The following TMEM59 variants were observed in gnomAD, a reference collection of about 807,000 sequenced individuals.
The protein encoded by TMEM59 is transmembrane protein 59, also known as dendritic cell factor 1.
A neutral mutation model predicts 42.2 loss-of-function variants in TMEM59; 44 were observed. The ratio of observed to expected loss-of-function variants is 1.04; its 90% CI spans 0.82 to 1.34. TMEM59 has a LOEUF of 1.34. TMEM59 is among the 40% of genes most tolerant of loss of function. TMEM59 has a pLI of 0.00. For synonymous variants in TMEM59, 148 were observed against 145.8 expected (o/e 1.02, Z -0.11); for missense variants, 359 against 382.8 (o/e 0.94, Z 0.52).
At chr1:54,045,613 A>G in intron 3 of TMEM59, 79 bp downstream of exon 3, 1 of 1,341,642 alleles carries the variant, frequency 7.5e-7, no homozygotes, top group Non-Finnish European at 1.1e-6. Flanking sequence ...AATAGGATCA[A>G]GTGGGTGATA....
Position 54,053,087 on chromosome 1 carries a change from C to T in TMEM59, c.102G>A (p.Ser34=), listed in dbSNP as rs763326633. Residue 34 remains serine (S), a synonymous_variant, in exon 1 of 8, where the codon TCG becomes TCA. Transcript: ENST00000234831. Reference sequence around the variant, plus strand: ...CCAAGACCGAGTCAAATGCTTCAGCCGAAGCGGTCCCCGAACCTCCGGCCA... The same window carrying T: ...CCAAGACCGAGTCAAATGCTTCAGCTGAAGCGGTCCCCGAACCTCCGGCCA... ...MALAGGSGTA[S]AEAFDSVLGD... is the part of the protein sequence containing the mutation. The T allele has an allele frequency of 1.1e-5, 18 of 1,614,146 alleles. No individual in the cohort carries two copies. In the African/African-American group the frequency reaches 2.3e-4, roughly 20 times the overall value.
chr1:54,040,873 A>C, intron 5 of TMEM59, 36 bp from the exon 6 acceptor site: 1 of 1,549,148 alleles, frequency 6.5e-7, no homozygotes, highest in Non-Finnish European at 8.9e-7. Flanking sequence ...ATTATATCCT[A>C]TATTCCAAAA....
In TMEM59 at chr1:54,032,141, G is replaced by T; in HGVS notation, c.*9C>A. On this transcript the variant is annotated 3_prime_UTR_variant, in exon 8 of 8. Transcript: ENST00000234831. ...TGTCTATTACACTTGTCTTTTAAAA[G>T]AAAAATGCTTAAATTTCAGAATGAG... 1 of 1,603,542 alleles carries T rather than the reference G, an allele frequency of 6.2e-7. No homozygotes were observed. The highest frequency in any genetic ancestry group is 8.5e-7 in the Non-Finnish European group (1 of 1,175,574).
chr1:54,032,758 T>C (rs762562322), intron 7 of TMEM59, among the ~76,000 whole-genome samples: 4 of 152,220 alleles, frequency 2.6e-5, no homozygotes, highest in Admixed American at 1.3e-4. Context: ...TTCATAAATA[T>C]ATAAAGTTCC....
Position 54,030,052 on chromosome 1 carries a change from T to C in TMEM59, c.*2098A>G, listed in dbSNP as rs1040457462. 15 of 151,170 alleles carry C rather than the reference T, an allele frequency of 9.9e-5. No homozygotes were observed. The highest frequency in any genetic ancestry group is 3.4e-4 in the African/African-American group (14 of 41,028). The allele number at this position is 151,170 out of a possible 1,614,324, so 9.4% of individuals were successfully genotyped here. A position where few individuals can be genotyped will look rare whatever the true frequency, so the allele number is the denominator to read the frequency against. Reference sequence around the variant, plus strand: ...CTTGGATCAATACTTTCAAGAGAAATGAAGGTATCTCAGGCACTTCTCATT... The same window carrying C: ...CTTGGATCAATACTTTCAAGAGAAACGAAGGTATCTCAGGCACTTCTCATT... On this transcript the variant is annotated 3_prime_UTR_variant, in exon 8 of 8. Coordinates refer to ENST00000234831, the MANE Select transcript of TMEM59 (RefSeq NM_004872.5).
intron 1 of TMEM59, 123 bp from the exon 2 acceptor site, chr1:54,047,495 C>A: frequency 9.3e-6 from 7 of 750,804 alleles, no homozygotes; most frequent in Middle Eastern, 2.3e-4. Context: ...AGTTTCATAA[C>A]TGAAAGAAAA....
intron 1 of TMEM59, 197 bp from the exon 2 acceptor site, chr1:54,047,569 A>T (rs1657385211): frequency 4.0e-6 from 2 of 497,788 alleles, no homozygotes. Context: ...TCCTTATTTT[A>T]AAAGTGATAC....
At chr1:54,033,322 T>G (rs1189307872) in intron 7 of TMEM59, 1 of 152,032 alleles carries the variant, frequency 6.6e-6, no homozygotes, top group Non-Finnish European at 1.5e-5. Context: ...CGGCATAGGC[T>G]GGGTGCGGTG....
At chr1:54,035,147 A>C (rs1656903239) in intron 7 of TMEM59, among the ~76,000 whole-genome samples, 1 of 152,242 alleles carries the variant, frequency 6.6e-6, no homozygotes, top group Non-Finnish European at 1.5e-5. Context: ...CCAGGTACCT[A>C]CATCAATTAT....
chr1:54,046,397 G>T (rs1331127527), intron 2 of TMEM59, among the ~76,000 whole-genome samples: 1 of 152,156 alleles, frequency 6.6e-6, no homozygotes, highest in Non-Finnish European at 1.5e-5. Context: ...TAATTCTAAT[G>T]TTGAAATGGG....
In TMEM59 at chr1:54,036,594, TA is replaced by T. The variant is rs376865900; in HGVS notation, c.816+15del. The T allele has an allele frequency of 2.6e-6, 4 of 1,567,562 alleles. No individual in the cohort carries two copies. Among genetic ancestry groups the T allele is most frequent in the Non-Finnish European group, 3.5e-6 (4 of 1,154,744 alleles). On this transcript the variant is annotated intron_variant, in intron 7 of 7. Transcript: ENST00000234831. Reference sequence around the variant, plus strand: ...ATCACAGGGCTCAGTCTTCAAATGGTAAGAATTAAATTTACCTCAGAGGGAA... The same window carrying T: ...ATCACAGGGCTCAGTCTTCAAATGGTAGAATTAAATTTACCTCAGAGGGAA...
At chr1:54,038,904 G>C (rs997525601) in intron 6 of TMEM59, among the ~76,000 whole-genome samples, 2 of 152,206 alleles carry the variant, frequency 1.3e-5, no homozygotes, top group Admixed American at 1.3e-4. Flanking sequence ...CAGTGCAATG[G>C]CACGATCACA....
intron 7 of TMEM59, among the ~76,000 whole-genome samples, chr1:54,035,694 C>T (rs377451254): frequency 2.6e-5 from 4 of 152,170 alleles, no homozygotes; most frequent in African/African-American, 9.6e-5. Context: ...CTCACTGCAG[C>T]CTCAACCTCC....
At chr1:54,045,426 T>C (rs1657296428) in intron 3 of TMEM59, 1 of 379,064 alleles carries the variant, frequency 2.6e-6, no homozygotes. Flanking sequence ...CTTGGTTTTT[T>C]CATATGTAAA....
intron 1 of TMEM59, among the ~76,000 whole-genome samples, chr1:54,049,067 A>T (rs1386441987): frequency 6.6e-6 from 1 of 152,222 alleles, no homozygotes; most frequent in Admixed American, 6.5e-5. Context: ...ATGCCATTTC[A>T]TTCTCAGATA....
chr1:54,048,777 C>A, intron 1 of TMEM59: 1 of 313,434 alleles, frequency 3.2e-6, no homozygotes, highest in Non-Finnish European at 6.9e-6. Flanking sequence ...AAAATTTACG[C>A]AGCAGCAACA....
In TMEM59 at chr1:54,027,749, TA is replaced by T. The variant is rs1008604771; in HGVS notation, c.*4400del. The T allele has an allele frequency of 1.4e-4, 21 of 149,630 alleles. No homozygotes were observed. The highest frequency in any genetic ancestry group is 4.5e-4 in the African/African-American group (18 of 39,948). 9.3% of individuals were successfully genotyped at this position (149,630 alleles called of 1,614,324 possible). On this transcript the variant is annotated 3_prime_UTR_variant, in exon 8 of 8. Transcript: ENST00000234831. Reference sequence around the variant, plus strand: ...TTGTACCAGTGCACTCCAGCCTGAGTAACAGTGTGAGACTCTGTCTCAAAAA... The same window carrying T: ...TTGTACCAGTGCACTCCAGCCTGAGTACAGTGTGAGACTCTGTCTCAAAAA...
intron 6 of TMEM59, among the ~76,000 whole-genome samples, chr1:54,037,975 C>T (rs781234048): frequency 5.5e-4 from 83 of 152,140 alleles, no homozygotes; most frequent in Non-Finnish European, 1.0e-3. Flanking sequence ...ATCTCCACAA[C>T]AAAACAATGA....
chr1:54,053,455 C>A, upstream of TMEM59: 1 of 485,018 alleles, frequency 2.1e-6, no homozygotes. Flanking sequence ...TTCTTCCCTT[C>A]GCGGGGCAGG....
Sources: allele counts gnomAD v4.1 joint callset (sites outside exome capture counted in the v4.1 genomes callset), GRCh38; gene constraint gnomAD v4.1.1; transcripts MANE v1.5; gene names NCBI Gene and HGNC (gene_info 2026-07-23, HGNC 2026-07-21).